Variants in SPHKAP observed in about 807,000 individuals in gnomAD.
The protein encoded by SPHKAP is A-kinase anchor protein SPHKAP.
A neutral mutation model predicts 137.5 loss-of-function variants in SPHKAP; 67 were observed. That is an observed-to-expected ratio of 0.49 (90% CI 0.40 to 0.60). SPHKAP has a LOEUF of 0.60. Among genes scored for constraint, SPHKAP ranks in the 20% least tolerant of loss-of-function variants. The pLI is 0.00. For missense variants in SPHKAP, 2,097 were observed against 2,069.3 expected (o/e 1.01, Z -0.26); for synonymous variants, 813 against 785.3 (o/e 1.04, Z -0.59).
rs1694653259 is a variant in SPHKAP, at chr2:228,017,496, A to G, written c.3358T>C (p.Ser1120Pro). 1 of 1,613,286 alleles carries G rather than the reference A, an allele frequency of 6.2e-7. No homozygotes were observed. The change falls in exon 7 of 12, where the codon TCG becomes CCG. Residue 1120 changes from serine to proline, a missense_variant. Physicochemically the swap from Ser to Pro is moderately conservative, Grantham distance 74. Transcript: ENST00000392056. ...TCATCGGTGATGCTCTCACAGCTCGACTGCTTGGAGACAGAGCTGGCCCTG... is the reference window on the plus strand; with the variant it reads ...TCATCGGTGATGCTCTCACAGCTCGGCTGCTTGGAGACAGAGCTGGCCCTG... Reference protein sequence around the residue: ...VSRASSVSKQSSCESITDEFS... With the variant: ...VSRASSVSKQPSCESITDEFS...
intron 3 of SPHKAP, among the ~76,000 whole-genome samples, chr2:228,043,489 G>T (rs1274489309): frequency 1.3e-5 from 2 of 152,114 alleles, no homozygotes; most frequent in Admixed American, 1.3e-4. Context: ...ACCATGCCTG[G>T]CTAATTTTTG....
chr2:228,105,796 T>G (rs1320625135), intron 3 of SPHKAP, among the ~76,000 whole-genome samples: 1 of 152,192 alleles, frequency 6.6e-6, no homozygotes, highest in Non-Finnish European at 1.5e-5. Flanking sequence ...TTGTGCCTTT[T>G]GCCTTCCACC....
At chr2:228,042,709 C>G (rs951534756) in intron 3 of SPHKAP, among the ~76,000 whole-genome samples, 2 of 152,090 alleles carry the variant, frequency 1.3e-5, no homozygotes, top group Admixed American at 6.6e-5. Flanking sequence ...TTTTCTGCCA[C>G]CCAATTTCTA....
rs544110791 is a variant in SPHKAP at position 228,150,131 on chromosome 2, A to T, written c.33-18046T>A. On this transcript the variant is annotated intron_variant, in intron 1 of 11. Transcript: ENST00000392056. ...TTAATTTGATTGATTATAATAGTTGATTTTCTAATGTTAAACCAGGCTTGA... is the reference window on the plus strand; with the variant it reads ...TTAATTTGATTGATTATAATAGTTGTTTTTCTAATGTTAAACCAGGCTTGA... Among the ~76,000 whole-genome samples, 26 of 152,116 alleles carry T rather than the reference A, an allele frequency of 1.7e-4. 1 individual carries two copies. Among genetic ancestry groups the T allele is most frequent in the Middle Eastern group, 3.2e-3 (1 of 316 alleles).
chr2:228,121,168 C>T (rs369519966), intron 2 of SPHKAP, among the ~76,000 whole-genome samples: 42 of 152,112 alleles, frequency 2.8e-4, no homozygotes, highest in Non-Finnish European at 4.7e-4. Context: ...TTAATGGCCA[C>T]GTATCTCTTG....
chr2:228,072,482 T>C (rs1478702689), intron 3 of SPHKAP, among the ~76,000 whole-genome samples: 1 of 152,160 alleles, frequency 6.6e-6, no homozygotes, highest in African/African-American at 2.4e-5. Flanking sequence ...CCAGAGGAGA[T>C]GACCCCAGTG....
chr2:228,092,392 T>C (rs1202644209), intron 3 of SPHKAP, among the ~76,000 whole-genome samples: 10 of 101,460 alleles, frequency 9.9e-5, no homozygotes, highest in Non-Finnish European at 1.4e-4. Flanking sequence ...CATATATACA[T>C]ATATACACAT....
chr2:228,056,487 G>A (rs1696447992), intron 3 of SPHKAP, among the ~76,000 whole-genome samples: 1 of 151,746 alleles, frequency 6.6e-6, no homozygotes, highest in South Asian at 2.1e-4. Flanking sequence ...CTTTCCCTAG[G>A]CACTGAGCTA....
intron 3 of SPHKAP, among the ~76,000 whole-genome samples, chr2:228,031,172 A>G (rs1408292318): frequency 2.6e-5 from 4 of 152,198 alleles, no homozygotes; most frequent in African/African-American, 9.6e-5. Flanking sequence ...CCACCCTAAT[A>G]CTGTGCTTTT....
At chr2:228,020,267 C>T (rs1461099326) in intron 6 of SPHKAP, 111 bp from the exon 7 acceptor site, 18 of 1,425,760 alleles carry the variant, frequency 1.3e-5, no homozygotes, top group Non-Finnish European at 1.6e-5. Context: ...CACATGCACA[C>T]ATATGTTTAT....
At chr2:228,111,885 T>C (rs536565790) in intron 2 of SPHKAP, among the ~76,000 whole-genome samples, 19 of 152,226 alleles carry the variant, frequency 1.2e-4, no homozygotes, top group Admixed American at 8.5e-4. Context: ...AAAACTTATC[T>C]GCATCTATTT....
intron 11 of SPHKAP, among the ~76,000 whole-genome samples, chr2:227,985,270 T>C (rs1365131931): frequency 6.6e-6 from 1 of 152,132 alleles, no homozygotes; most frequent in African/African-American, 2.4e-5. Flanking sequence ...TAGAGCATGC[T>C]CTGAGGCCGT....
At chr2:227,993,133 G>A (rs887696634) in intron 9 of SPHKAP, among the ~76,000 whole-genome samples, 2 of 151,944 alleles carry the variant, frequency 1.3e-5, no homozygotes, top group African/African-American at 2.4e-5. Flanking sequence ...GATAATCCCA[G>A]GTTTCTACAT....
At chr2:228,076,321 T>C (rs1428458814) in intron 3 of SPHKAP, among the ~76,000 whole-genome samples, 5 of 152,210 alleles carry the variant, frequency 3.3e-5, no homozygotes, top group Non-Finnish European at 7.3e-5. Flanking sequence ...TATCTGAGAA[T>C]GTGGAAGCAA....
intron 2 of SPHKAP, among the ~76,000 whole-genome samples, chr2:228,129,918 G>T (rs759764865): frequency 6.7e-6 from 1 of 149,654 alleles, no homozygotes; most frequent in Admixed American, 6.7e-5. Context: ...TGTCTCAACC[G>T]CCCGAGTAGC....
At chr2:228,030,551 A>AT (rs1206717935) in intron 3 of SPHKAP, among the ~76,000 whole-genome samples, 79 of 128,752 alleles carry the variant, frequency 6.1e-4, no homozygotes, top group African/African-American at 2.1e-3. Flanking sequence ...AACAAAAAAA[A>AT]AAAAATAAAA....
At chr2:228,166,802 A>G (rs111977094) in intron 1 of SPHKAP, among the ~76,000 whole-genome samples, 183 of 152,340 alleles carry the variant, frequency 1.2e-3, no homozygotes, top group African/African-American at 4.1e-3. Flanking sequence ...CTAGTGATTT[A>G]TAAAGAAAGC....
chr2:228,174,500 G>C (rs1357002882), intron 1 of SPHKAP, among the ~76,000 whole-genome samples: 2 of 152,224 alleles, frequency 1.3e-5, no homozygotes, highest in East Asian at 3.9e-4. Context: ...ACCAAGTTCT[G>C]GCTCGGTCAC....
rs537365020 is a variant in SPHKAP at position 227,981,177 on chromosome 2, A to G, written c.*540T>C. 7.9e-5 allele frequency: 12 copies of G among 152,376 alleles called. No individual in the cohort carries two copies. The highest frequency in any genetic ancestry group is 1.9e-4 in the African/African-American group (8 of 41,586). The allele number at this position is 152,376 out of a possible 1,614,324, so 9.4% of individuals were successfully genotyped here. A position where few individuals can be genotyped will look rare whatever the true frequency, so the allele number is the denominator to read the frequency against. ...AGAGGATGCTGCTATACTTTTATCA[A>G]TGTCTACTGACATTGATTTGAAAGT... On this transcript the variant is annotated 3_prime_UTR_variant, in exon 12 of 12. Transcript: ENST00000392056.
Sources: gnomAD v4.1 joint callset for allele counts (sites outside exome capture counted in the v4.1 genomes callset) on GRCh38, gnomAD v4.1.1 for gene constraint, MANE v1.5 for transcripts, NCBI Gene and HGNC (gene_info 2026-07-23, HGNC 2026-07-21) for gene names.